The following KCNN1 variants were observed in gnomAD, a reference collection of about 807,000 sequenced individuals.
KCNN1 encodes small conductance calcium-activated potassium channel protein 1.
Under a neutral mutation model 44.7 loss-of-function variants are expected in KCNN1, and 20 were observed. The ratio of observed to expected loss-of-function variants is 0.45; its 90% confidence interval spans 0.32 to 0.65. The LOEUF is 0.65. Ranked by LOEUF, KCNN1 falls within the 30% of genes least tolerant of loss-of-function variation. KCNN1 has a pLI of 0.05. For synonymous variants in KCNN1, 324 were observed against 341.7 expected (o/e 0.95, Z 0.57); for missense variants, 632 against 785.3 (o/e 0.80, Z 2.33).
chr19:17,985,791 C>A (rs868145452), intron 5 of KCNN1, among the ~76,000 whole-genome samples: 1 of 152,210 alleles, frequency 6.6e-6, no homozygotes, highest in Non-Finnish European at 1.5e-5. Context: ...TTATTCACAG[C>A]CTTTGGATCC....
At chr19:17,988,692 C>T (rs995019977) in intron 6 of KCNN1, among the ~76,000 whole-genome samples, 167 bp downstream of exon 6, 2 of 152,144 alleles carry the variant, frequency 1.3e-5, no homozygotes, top group African/African-American at 4.8e-5. Context: ...AGGTGGATCA[C>T]CTAAGGCCAG....
intron 1 of KCNN1, among the ~76,000 whole-genome samples, chr19:17,968,418 G>T (rs537960961): frequency 7.3e-5 from 11 of 151,622 alleles, no homozygotes; most frequent in African/African-American, 2.7e-4. Context: ...CCCTCGTAGT[G>T]GGGGGGTGGG....
intron 2 of KCNN1, among the ~76,000 whole-genome samples, chr19:17,958,740 C>T (rs906858361): frequency 2.0e-5 from 3 of 151,156 alleles, no homozygotes; most frequent in South Asian, 2.1e-4. Flanking sequence ...CCTCGTCGCC[C>T]AGGCTGGAGT....
rs1242099783 is a variant in KCNN1 at position 17,987,094 on chromosome 19, C to G, written c.1060-1321C>G. Among the ~76,000 whole-genome samples, 3 of 151,302 alleles carry G rather than the reference C, an allele frequency of 2.0e-5. No individual in the cohort carries two copies. In the East Asian group the frequency reaches 5.8e-4, roughly 29 times the overall value. On this transcript the variant is annotated intron_variant, in intron 5 of 9. Transcript: ENST00000684775. ...GGTGCTGGGATTACAGGCATGACGC[C>G]ACCACGCTGGCCCTTTTTTTCTTTT...
At chr19:17,958,940 T>G (rs1303521677) in intron 2 of KCNN1, among the ~76,000 whole-genome samples, 1 of 151,556 alleles carries the variant, frequency 6.6e-6, no homozygotes, top group African/African-American at 2.4e-5. Flanking sequence ...GACTTCGTGA[T>G]CCACCCGCCT....
intron 2 of KCNN1, among the ~76,000 whole-genome samples, chr19:17,956,576 C>T (rs544162535): frequency 6.8e-6 from 1 of 147,990 alleles, no homozygotes; most frequent in South Asian, 2.2e-4. Flanking sequence ...GAACCCATCT[C>T]TACAATTTTT....
At chr19:17,991,902 T>A (rs905980824) in intron 7 of KCNN1, among the ~76,000 whole-genome samples, 2 of 152,152 alleles carry the variant, frequency 1.3e-5, no homozygotes, top group African/African-American at 4.8e-5. Flanking sequence ...GAAACCTTAT[T>A]TTCCAAGACA....
intron 7 of KCNN1, among the ~76,000 whole-genome samples, chr19:17,990,551 A>T (rs1304745260): frequency 6.6e-6 from 1 of 151,928 alleles, no homozygotes; most frequent in Non-Finnish European, 1.5e-5. Flanking sequence ...CTGTAATCCC[A>T]GCACTTTGGG....
intron 3 of KCNN1, among the ~76,000 whole-genome samples, chr19:17,976,376 G>A (rs929401445): frequency 2.6e-5 from 4 of 151,400 alleles, no homozygotes; most frequent in Non-Finnish European, 5.9e-5. Flanking sequence ...GGCATGAATG[G>A]ATAAATAAAA....
At chr19:17,976,756 C>T (rs1460233560) in intron 3 of KCNN1, among the ~76,000 whole-genome samples, 1 of 149,154 alleles carries the variant, frequency 6.7e-6, no homozygotes, top group Non-Finnish European at 1.5e-5. Flanking sequence ...CACTCTGTTG[C>T]CCAGGCTGGA....
upstream of KCNN1, among the ~76,000 whole-genome samples, chr19:17,965,728 A>C (rs998583526): frequency 2.8e-5 from 4 of 144,690 alleles, no homozygotes; most frequent in African/African-American, 1.0e-4. Flanking sequence ...GATCACTCGT[A>C]ACAGCCCCCT....
At position 17,993,108 on chromosome 19, in the gene KCNN1, G is replaced by A. The variant is rs2032852878; in HGVS notation, c.1307+46G>A. The A allele has an allele frequency of 2.5e-6, 4 of 1,612,164 alleles. No homozygotes were observed. The highest frequency in any genetic ancestry group is 3.4e-6 in the Non-Finnish European group (4 of 1,178,792). On this transcript the variant is annotated intron_variant, in intron 8 of 9. Transcript: ENST00000684775. This position sits in a 1 kb window ranked among gnomAD's most constrained non-coding sequence, Gnocchi z 4.5. ...TTGGTGGGGCTGGGAAATCGGGGGT[G>A]CATGGTGGTCACAGACAGGGGGTAC...
intron 1 of KCNN1, among the ~76,000 whole-genome samples, chr19:17,968,380 C>A (rs1438431527): frequency 6.8e-6 from 1 of 146,290 alleles, no homozygotes. Context: ...ATTTGCCATG[C>A]GAGATCTTAC....
In KCNN1 at chr19:17,973,738, G is replaced by A. The variant is rs566688645; in HGVS notation, c.-81-70G>A. The A allele has an allele frequency of 4.0e-5, 57 of 1,425,982 alleles. 1 individual carries two copies. In the East Asian group the frequency reaches 1.0e-3, roughly 25 times the overall value. The allele number at this position is 1,425,982 out of a possible 1,614,324, so 88.3% of individuals were successfully genotyped here. On this transcript the variant is annotated intron_variant, in intron 1 of 9. Transcript: ENST00000684775. ...AAACTTAGAACGTTCTGGGTTGGCC[G>A]GGATGGTCCTTGCCTTTCTGGTCAG...
chr19:17,955,904 T>C (rs1006315394), intron 2 of KCNN1, among the ~76,000 whole-genome samples: 9 of 147,202 alleles, frequency 6.1e-5, no homozygotes, highest in Non-Finnish European at 4.6e-5. Flanking sequence ...CCAGTGAACT[T>C]TTTTTTTTTA....
intron 3 of KCNN1, 82 bp downstream of exon 3, chr19:17,975,269 C>T (rs2032168593): frequency 3.1e-6 from 3 of 953,520 alleles, no homozygotes; most frequent in Admixed American, 2.0e-5. Context: ...GACCCCATCC[C>T]CTCAAAACAT....
intron 1 of KCNN1, 34 bp from the exon 2 acceptor site, chr19:17,973,774 C>G (rs1229362630): frequency 1.6e-5 from 24 of 1,470,240 alleles, no homozygotes; most frequent in Non-Finnish European, 2.1e-5. Context: ...TAAGCTGGAC[C>G]CTGCTGTGAC....
At position 18,000,074 on chromosome 19, in the gene KCNN1, G is replaced by A. The variant is rs950797949; in HGVS notation, c.*1668G>A. ...AATAAATGCTCCTTCCCGCCTGAGG[G>A]ATCACACTGGAGTCTTTGGCAGGAC... On this transcript the variant is annotated 3_prime_UTR_variant, in exon 10 of 10. Transcript: ENST00000684775. 7.0e-5 allele frequency: 32 copies of A among 454,592 alleles called. No homozygotes were observed. The highest frequency in any genetic ancestry group is 1.3e-4 in the Non-Finnish European group (29 of 226,042). The allele number at this position is 454,592 out of a possible 1,614,324, so 28.2% of individuals were successfully genotyped here.
At chr19:17,980,660 T>C (rs1019936228) in intron 3 of KCNN1, among the ~76,000 whole-genome samples, 1 of 152,112 alleles carries the variant, frequency 6.6e-6, no homozygotes, top group African/African-American at 2.4e-5. Flanking sequence ...TCCAGCACTC[T>C]GGGAGGCTGA....
Sources: allele counts gnomAD v4.1 joint callset (sites outside exome capture counted in the v4.1 genomes callset), GRCh38; gene constraint gnomAD v4.1.1; non-coding constraint Gnocchi (gnomAD v3.1); transcripts MANE v1.5; gene names NCBI Gene and HGNC (gene_info 2026-07-23, HGNC 2026-07-21).